MICU2: variants seen among roughly 807,000 people sequenced by gnomAD.
The protein encoded by MICU2 is mitochondrial calcium uptake 2, also known as calcium uptake protein 2, mitochondrial.
Under a neutral mutation model 60.4 loss-of-function variants are expected in MICU2, and 64 were observed. That is an observed-to-expected ratio of 1.06 (90% confidence interval 0.87 to 1.31). The LOEUF is 1.31. Among genes scored for constraint, MICU2 ranks in the 50% most tolerant of loss-of-function variants. MICU2 has a pLI of 0.00. For synonymous variants in MICU2, 201 were observed against 175.0 expected, an observed-to-expected ratio of 1.15 and a Z score of -1.17; for missense variants, 569 against 531.0, an observed-to-expected ratio of 1.07 and a Z score of -0.70.
chr13:21,572,703 A>G (rs149725995), intron 1 of MICU2, among the ~76,000 whole-genome samples: 3 of 152,248 alleles, frequency 2.0e-5, no homozygotes, highest in Admixed American at 1.3e-4. Context: ...GGACCTCGCT[A>G]AAGTATACTG....
intron 10 of MICU2, 146 bp from the exon 11 acceptor site, chr13:21,495,464 A>T: frequency 2.7e-6 from 2 of 747,144 alleles, no homozygotes; most frequent in Non-Finnish European, 4.1e-6. Context: ...CCCATGAAGA[A>T]AATATTCAAA....
At chr13:21,573,907 C>T (rs946484284) in intron 1 of MICU2, among the ~76,000 whole-genome samples, 1 of 152,178 alleles carries the variant, frequency 6.6e-6, no homozygotes, top group Non-Finnish European at 1.5e-5. Context: ...CTCCTCACCT[C>T]AAACTGCTTA....
intron 8 of MICU2, among the ~76,000 whole-genome samples, chr13:21,507,493 T>C (rs1886317581): frequency 6.6e-6 from 1 of 152,038 alleles, no homozygotes. Context: ...CAAGAAGAGG[T>C]ATGGTTTAAA....
intron 9 of MICU2, among the ~76,000 whole-genome samples, chr13:21,502,314 G>A (rs998790194): frequency 1.4e-4 from 21 of 151,524 alleles, no homozygotes; most frequent in African/African-American, 5.1e-4. Context: ...AATACATAAA[G>A]GTATAAAGAA....
At chr13:21,554,817 AT>A (rs1229018580) in intron 2 of MICU2, among the ~76,000 whole-genome samples, 7 of 152,220 alleles carry the variant, frequency 4.6e-5, no homozygotes, top group African/African-American at 1.7e-4. Context: ...AATAGATGCA[AT>A]AAAAAATGAT....
At chr13:21,561,862 T>G (rs9580158) in intron 2 of MICU2, among the ~76,000 whole-genome samples, 2 of 68,414 alleles carry the variant, frequency 2.9e-5, no homozygotes, top group East Asian at 5.2e-4. Flanking sequence ...CCCTCCCCCC[T>G]CCCCCCACCC....
At chr13:21,591,028 G>C (rs968904581) in intron 1 of MICU2, among the ~76,000 whole-genome samples, 4 of 152,094 alleles carry the variant, frequency 2.6e-5, no homozygotes, top group African/African-American at 9.7e-5. Flanking sequence ...AAATTCACAC[G>C]TAACAATAGT....
rs560204312 is a variant in MICU2, at chr13:21,560,819, T to C, written c.358+5978A>G. ...TTCAATTTGAGTGCCTGTAACAACATCTAGACTCTAGTTAGCTATATAGCT... is the reference window on the plus strand; with the variant it reads ...TTCAATTTGAGTGCCTGTAACAACACCTAGACTCTAGTTAGCTATATAGCT... On this transcript the variant is annotated intron_variant, in intron 2 of 11. Transcript: ENST00000382374. 2.6e-5 allele frequency among the ~76,000 whole-genome samples: 4 copies of C among 152,322 alleles called. No individual in the cohort carries two copies. The South Asian group carries it at 8.3e-4, about 32-fold the overall frequency.
At chr13:21,553,382 A>G (rs1392725512) in intron 2 of MICU2, among the ~76,000 whole-genome samples, 4 of 152,176 alleles carry the variant, frequency 2.6e-5, no homozygotes. Context: ...AACAGGGACA[A>G]TTTGACTTCC....
intron 1 of MICU2, among the ~76,000 whole-genome samples, chr13:21,602,524 AAAAAC>A (rs972352572): frequency 7.9e-5 from 12 of 151,992 alleles, no homozygotes; most frequent in African/African-American, 2.7e-4. Flanking sequence ...TCCTCTCAAA[AAAAAC>A]AAAAACAAAA....
intron 1 of MICU2, among the ~76,000 whole-genome samples, chr13:21,574,858 C>T (rs1238628083): frequency 1.3e-5 from 2 of 152,220 alleles, no homozygotes; most frequent in Non-Finnish European, 2.9e-5. Context: ...TTTCATTTGA[C>T]ACAACTTTTC....
At chr13:21,568,500 C>T (rs111538871) in intron 1 of MICU2, among the ~76,000 whole-genome samples, 11 of 152,222 alleles carry the variant, frequency 7.2e-5, no homozygotes, top group African/African-American at 1.4e-4. Flanking sequence ...TTACCATCCC[C>T]GTAATCAGAA....
Position 21,510,065 on chromosome 13 carries a change from G to C in MICU2, c.700C>G (p.Leu234Val). ...IVKEPEINTT[L>V]QMRFFGKRGQ... is the part of the protein sequence containing the mutation. ...CTTTTTCCAAAGAAACGCATCTGAA[G>C]AGTTGTGTTAATTTCAGGTTCTTTC... is the stretch of plus-strand genomic sequence containing the variant. Residue 234 changes from leucine (L) to valine (V), a missense_variant, in exon 8 of 12, where the codon CTT becomes GTT. Coordinates refer to ENST00000382374, the MANE Select transcript of MICU2 (RefSeq NM_152726.3). The C allele has an allele frequency of 6.5e-7, 1 of 1,527,958 alleles. No individual in the cohort carries two copies. The highest frequency in any genetic ancestry group is 8.7e-7 in the Non-Finnish European group (1 of 1,143,422). The allele number at this position is 1,527,958 out of a possible 1,614,324, so 94.7% of individuals were successfully genotyped here.
chr13:21,496,087 T>C lies in MICU2; in HGVS notation c.1007A>G (p.Gln336Arg). The change falls in exon 10 of 12, where the codon CAG becomes CGG. Residue 336 changes from glutamine (Q) to arginine (R), a missense_variant. By Grantham distance (43) the Gln-to-Arg change is conservative (BLOSUM62 1). Coordinates refer to ENST00000382374, the MANE Select transcript of MICU2 (RefSeq NM_152726.3). ...THLEDFAIAM[Q>R]MFSLAHRPVR... ...AGGACGATGAGCTAAACTGAACATCTGCATGGCAATAGCAAAGTCTTCCAA... is the reference window on the plus strand; with the variant it reads ...AGGACGATGAGCTAAACTGAACATCCGCATGGCAATAGCAAAGTCTTCCAA... 1 of 1,614,108 alleles carries C rather than the reference T, an allele frequency of 6.2e-7. No homozygotes were observed. The highest frequency in any genetic ancestry group is 1.1e-5 in the South Asian group (1 of 91,064).
At position 21,532,015 on chromosome 13, in the gene MICU2, T is replaced by G. The variant is rs1226349627; in HGVS notation, c.466+7287A>C. 2.0e-5 allele frequency among the ~76,000 whole-genome samples: 3 copies of G among 152,318 alleles called. No individual in the cohort carries two copies. The East Asian group carries it at 5.8e-4, about 29-fold the overall frequency. ...GTGACAACAATCTAACAGGATTCTC[T>G]GATGCAGACTAGCAGGAGGTATGAA... On this transcript the variant is annotated intron_variant, in intron 4 of 11. Transcript: ENST00000382374.
rs1234959828 is a variant in MICU2 at position 21,534,207 on chromosome 13, C to T, written c.466+5095G>A. Among the ~76,000 whole-genome samples the T allele has an allele frequency of 1.5e-4, 21 of 140,270 alleles. 1 individual carries two copies. The East Asian group carries it at 4.1e-3, about 28-fold the overall frequency. 92.0% of individuals were successfully genotyped at this position (140,270 alleles called of 152,430 possible). A position where few individuals can be genotyped will look rare whatever the true frequency, so the allele number is the denominator to read the frequency against. ...TTAAATTTTTAAATATTTCCTTTTCCTTTCCTTTTTTTTTTTAAGACAAGG... is the reference window on the plus strand; with the variant it reads ...TTAAATTTTTAAATATTTCCTTTTCTTTTCCTTTTTTTTTTTAAGACAAGG... On this transcript the variant is annotated intron_variant, in intron 4 of 11. Transcript: ENST00000382374.
At chr13:21,516,270 C>T (rs1339315056) in intron 6 of MICU2, among the ~76,000 whole-genome samples, 1 of 151,926 alleles carries the variant, frequency 6.6e-6, no homozygotes, top group African/African-American at 2.4e-5. Context: ...TTTTTCCCCA[C>T]CTAAATTAGT....
Position 21,592,323 on chromosome 13 carries a change from G to A in MICU2, c.210+11616C>T, listed in dbSNP as rs372014138. On this transcript the variant is annotated intron_variant, in intron 1 of 11. Transcript: ENST00000382374. ...ACCAAGACTAAATCAAGAAGAAGTC[G>A]AATCCTTGAATAGACCAATAACAAG... 2.3e-3 allele frequency among the ~76,000 whole-genome samples: 357 copies of A among 152,190 alleles called. 1 individual carries two copies. The highest frequency in any genetic ancestry group is 8.2e-3 in the African/African-American group (342 of 41,520).
intron 5 of MICU2, among the ~76,000 whole-genome samples, chr13:21,522,384 TC>T (rs1886739944): frequency 6.6e-6 from 1 of 152,178 alleles, no homozygotes; most frequent in East Asian, 1.9e-4. Context: ...TCAACAAACT[TC>T]CTATTAAAGA....
Sources: gnomAD v4.1 joint callset for allele counts (sites outside exome capture counted in the v4.1 genomes callset) on GRCh38, gnomAD v4.1.1 for gene constraint, MANE v1.5 for transcripts, NCBI Gene and HGNC (gene_info 2026-07-23, HGNC 2026-07-21) for gene names.